ABCA7: variants seen among roughly 807,000 people sequenced by gnomAD.
ABCA7 encodes phospholipid-transporting ATPase ABCA7.
Under a neutral mutation model 227.6 loss-of-function variants are expected in ABCA7, and 261 were observed. The ratio of observed to expected loss-of-function variants is 1.15; its 90% confidence interval spans 1.04 to 1.27. The LOEUF (loss-of-function observed/expected upper bound fraction) is 1.27, where lower values mean the gene tolerates loss of function less well. Among genes scored for constraint, ABCA7 ranks in the 50% most tolerant of loss-of-function variants. The pLI is 0.00. For synonymous variants in ABCA7, 1,488 were observed against 1,279.7 expected (o/e 1.16, Z -3.47); for missense variants, 3,331 against 2,924.5 (o/e 1.14, Z -3.21).
Position 1,051,170 on chromosome 19 carries a change from G to T in ABCA7, c.2700G>T (p.Glu900Asp), listed in dbSNP as rs937161473. The stretch of plus-strand genomic sequence containing the variant: ...CTGGCCGCAGGCTGACCGTGGACGA[G>T]CACGTCTGGTTCTATGGGCGGCTGA... ...NVLFDMLTVD[E>D]HVWFYGRLKG... Residue 900 changes from glutamate to aspartate, a missense_variant, in exon 20 of 47, where the codon GAG becomes GAT. By Grantham distance (45) the Glu-to-Asp change is conservative. Transcript: ENST00000263094. 6.2e-7 allele frequency: 1 copy of T among 1,611,266 alleles called. No homozygotes were observed. Among genetic ancestry groups the T allele is most frequent in the Non-Finnish European group, 8.5e-7 (1 of 1,179,926 alleles).
Position 1,059,030 on chromosome 19 carries a change from G to C in ABCA7, c.5408G>C (p.Arg1803Pro). The change falls in exon 40 of 47, where the codon CGT becomes CCT. Residue 1803 changes from arginine to proline, a missense_variant. Coordinates refer to ENST00000263094, the MANE Select transcript of ABCA7 (RefSeq NM_019112.4). The part of the protein sequence containing the change: ...LVLRNLTKVY[R>P]GQRMPAVDRL... Reference sequence around the variant, plus strand: ...AGACCTGCACTCTCCCAGGTATACCGTGGGCAGAGGATGCCAGCTGTTGAC... The same window carrying C: ...AGACCTGCACTCTCCCAGGTATACCCTGGGCAGAGGATGCCAGCTGTTGAC... 1 of 1,613,890 alleles carries C rather than the reference G, an allele frequency of 6.2e-7. No individual in the cohort carries two copies. The highest frequency in any genetic ancestry group is 8.5e-7 in the Non-Finnish European group (1 of 1,179,984).
intron 23 of ABCA7, 73 bp downstream of exon 23, chr19:1,052,359 G>GA: frequency 7.4e-7 from 1 of 1,357,474 alleles, no homozygotes; most frequent in South Asian, 1.3e-5. Context: ...GGAGGAGGAG[G>GA]GGGAGGGGGA....
chr19:1,061,574 C>G (rs2042658096), intron 40 of ABCA7, among the ~76,000 whole-genome samples: 1 of 151,668 alleles, frequency 6.6e-6, no homozygotes, highest in Non-Finnish European at 1.5e-5. Context: ...TGGCAGGCGT[C>G]TGTAGCCCCA....
intron 40 of ABCA7, among the ~76,000 whole-genome samples, chr19:1,059,720 C>G (rs1299742421): frequency 6.6e-6 from 1 of 151,846 alleles, no homozygotes; most frequent in Admixed American, 6.6e-5. Context: ...CCTGCCATCA[C>G]GCCTGGCTAA....
chr19:1,062,100 G>A (rs1171853702), intron 41 of ABCA7, 72 bp from the exon 42 acceptor site: 4 of 1,574,532 alleles, frequency 2.5e-6, no homozygotes, highest in Non-Finnish European at 2.6e-6. Context: ...TGGGCCCTGA[G>A]ACCCCTGTGT....
At chr19:1,063,264 A>T (rs1207323516) in intron 42 of ABCA7, among the ~76,000 whole-genome samples, 1 of 59,408 alleles carries the variant, frequency 1.7e-5, no homozygotes, top group African/African-American at 6.8e-5. Context: ...GCCCCGCCCC[A>T]TACTCATGCT....
intron 45 of ABCA7, chr19:1,064,519 G>T (rs1199663729): frequency 3.8e-6 from 2 of 522,824 alleles, no homozygotes; most frequent in Non-Finnish European, 6.7e-6. Flanking sequence ...GTGCAGCCTG[G>T]AGAGGTGAGG....
At position 1,045,208 on chromosome 19, in the gene ABCA7, G is replaced by C. The variant is rs780056260; in HGVS notation, c.1422G>C (p.Thr474=). 2.4e-5 allele frequency: 38 copies of C among 1,609,884 alleles called. No homozygotes were observed. The highest frequency in any genetic ancestry group is 3.2e-5 in the Non-Finnish European group (38 of 1,178,288). The change falls in exon 12 of 47, where the codon ACG becomes ACC. Residue 474 remains threonine, a synonymous_variant. Coordinates refer to ENST00000263094, the MANE Select transcript of ABCA7 (RefSeq NM_019112.4). The part of the protein sequence containing the change: ...IKIRMDIDVV[T]RTNKIRDRFW... The stretch of plus-strand genomic sequence containing the variant: ...TCCGCATGGACATTGACGTGGTCAC[G>C]AGGACCAATAAGATCAGGGACAGGT...
rs776164033 is a variant in ABCA7, at chr19:1,063,568, C to A, written c.5737C>A (p.Leu1913Met). 6.2e-7 allele frequency: 1 copy of A among 1,610,994 alleles called. No homozygotes were observed. Among genetic ancestry groups the A allele is most frequent in the South Asian group, 1.1e-5 (1 of 91,084 alleles). The change falls in exon 43 of 47, where the codon CTG becomes ATG. Residue 1913 changes from leucine (L) to methionine (M), a missense_variant. By Grantham distance (15) the Leu-to-Met change is conservative (BLOSUM62 2). Transcript: ENST00000263094. ...AQTAGSGLAR[L>M]GLSWYADRPA... ...GACCGCTGGCTCGGGCCTGGCGCGTCTGGGACTCTCATGGTACGCAGACCG... is the reference window on the plus strand; with the variant it reads ...GACCGCTGGCTCGGGCCTGGCGCGTATGGGACTCTCATGGTACGCAGACCG...
rs1568275799 is a variant in ABCA7 at position 1,047,179 on chromosome 19, G to A, written c.1868G>A (p.Ser623Asn). ...VLKLGDILPY[S>N]HPGVVFLFLA... ...CAGCTGGGAGACATCCTCCCCTACA[G>A]CCACCCGGGCGTGGTCTTCCTGTTC... Residue 623 changes from serine (S) to asparagine (N), a missense_variant, in exon 15 of 47, where the codon AGC becomes AAC. Physicochemically the swap from Ser to Asn is conservative, Grantham distance 46 (BLOSUM62 1). Transcript: ENST00000263094. The A allele has an allele frequency of 1.2e-6, 2 of 1,604,816 alleles. No homozygotes were observed. The highest frequency in any genetic ancestry group is 8.5e-7 in the Non-Finnish European group (1 of 1,177,632).
intron 42 of ABCA7, 107 bp downstream of exon 42, chr19:1,062,420 C>A: frequency 6.7e-7 from 1 of 1,502,132 alleles, no homozygotes; most frequent in Non-Finnish European, 9.0e-7. Context: ...TGGCTCCATC[C>A]CTGTCCCTGC....
intron 15 of ABCA7, 22 bp from the exon 16 acceptor site, chr19:1,047,431 C>T: frequency 6.5e-7 from 1 of 1,538,534 alleles, no homozygotes; most frequent in African/African-American, 1.4e-5. Flanking sequence ...CGGCCGCTCA[C>T]TGACCGCCCG....
At chr19:1,049,181 C>G (rs2041102402) in intron 17 of ABCA7, 85 bp from the exon 18 acceptor site, 2 of 1,470,228 alleles carry the variant, frequency 1.4e-6, no homozygotes, top group Non-Finnish European at 1.8e-6. Context: ...CCAGCAGGTC[C>G]CGGATTCCAC....
intron 30 of ABCA7, 89 bp downstream of exon 30, chr19:1,055,440 A>G: frequency 1.5e-6 from 2 of 1,314,796 alleles, no homozygotes; most frequent in Non-Finnish European, 2.0e-6. Context: ...GAGGAAGTGG[A>G]GGGGTTGGAT....
At chr19:1,042,444 T>TG in intron 6 of ABCA7, 47 bp downstream of exon 6, 2 of 1,603,288 alleles carry the variant, frequency 1.2e-6, no homozygotes, top group African/African-American at 2.7e-5. Flanking sequence ...GACACTGCAC[T>TG]GGGGATGTCC....
At chr19:1,045,440 G>T in intron 12 of ABCA7, 1 of 597,808 alleles carries the variant, frequency 1.7e-6, no homozygotes, top group Admixed American at 3.0e-5. Flanking sequence ...GCGTGGCCAT[G>T]GGCCTGAGAT....
At chr19:1,050,850 T>TA in intron 18 of ABCA7, 71 bp from the exon 19 acceptor site, 2 of 1,241,352 alleles carry the variant, frequency 1.6e-6, no homozygotes, top group Non-Finnish European at 1.0e-6. Flanking sequence ...AAACAGAAAT[T>TA]AAAAATAGAA....
chr19:1,063,662 C>T lies in ABCA7; in HGVS notation c.5831C>T (p.Pro1944Leu), dbSNP rs760774593. The T allele has an allele frequency of 6.2e-7, 1 of 1,606,160 alleles. No individual in the cohort carries two copies. Among genetic ancestry groups the T allele is most frequent in the South Asian group, 1.1e-5 (1 of 90,446 alleles). Reference protein sequence around the residue: ...LATALALVGDPAVVFLDEPTT... With the variant: ...LATALALVGDLAVVFLDEPTT... The stretch of plus-strand genomic sequence containing the variant: ...ACGGCCCTGGCGCTGGTTGGGGACC[C>T]AGCCGTGGTGTTTCTGGTGCGTGGG... Residue 1944 changes from proline (P) to leucine (L), a missense_variant, in exon 43 of 47, where the codon CCA becomes CTA. Coordinates refer to ENST00000263094, the MANE Select transcript of ABCA7 (RefSeq NM_019112.4).
At position 1,063,695 on chromosome 19, in the gene ABCA7, C is replaced by A; in HGVS notation, c.5847+17C>A. 6.3e-7 allele frequency: 1 copy of A among 1,576,064 alleles called. No individual in the cohort carries two copies. On this transcript the variant is annotated intron_variant, in intron 43 of 46. Transcript: ENST00000263094. ...GTGTTTCTGGTGCGTGGGAGCGGTG[C>A]CTGGGTGGGGTGGGGCCTGCGACGG... is the stretch of plus-strand genomic sequence containing the variant.
Sources: gnomAD v4.1 joint callset for allele counts (sites outside exome capture counted in the v4.1 genomes callset) on GRCh38, gnomAD v4.1.1 for gene constraint, MANE v1.5 for transcripts, NCBI Gene and HGNC (gene_info 2026-07-23, HGNC 2026-07-21) for gene names.